Variants in CACNB2 observed in about 807,000 individuals in gnomAD.
The protein encoded by CACNB2 is voltage-dependent L-type calcium channel subunit beta-2.
CACNB2 carries 42 observed loss-of-function variants against 73.3 expected under a neutral mutation model. The ratio of observed to expected loss-of-function variants is 0.57; its 90% confidence interval spans 0.45 to 0.74. The LOEUF (loss-of-function observed/expected upper bound fraction) is 0.74, where lower values mean the gene tolerates loss of function less well. CACNB2 is among the 30% of genes least tolerant of loss of function. The pLI, the probability that CACNB2 is intolerant of heterozygous loss-of-function variation, is 0.00. For synonymous variants in CACNB2, 348 were observed against 310.3 expected (o/e 1.12, Z -1.28); for missense variants, 940 against 853.0 (o/e 1.10, Z -1.27).
intron 2 of CACNB2, among the ~76,000 whole-genome samples, chr10:18,385,480 A>G (rs1441050857): frequency 6.7e-6 from 1 of 149,028 alleles, no homozygotes; most frequent in Non-Finnish European, 1.5e-5. Context: ...TCAAAAAATT[A>G]GCTGGGCGTG....
chr10:18,371,209 GT>G (rs78205139), intron 2 of CACNB2, among the ~76,000 whole-genome samples: 1 of 151,256 alleles, frequency 6.6e-6, no homozygotes. Flanking sequence ...TTTTTATTTT[GT>G]TTTTTTTAAT....
intron 3 of CACNB2, among the ~76,000 whole-genome samples, chr10:18,442,953 T>TACACAC (rs1564553504): frequency 2.1e-4 from 4 of 19,210 alleles, no homozygotes; most frequent in South Asian, 2.0e-3. Context: ...TGTATATATA[T>TACACAC]ATATGTATAT....
chr10:18,406,393 C>T (rs2044289518), intron 3 of CACNB2, among the ~76,000 whole-genome samples: 3 of 152,174 alleles, frequency 2.0e-5, no homozygotes, highest in African/African-American at 7.2e-5. Flanking sequence ...CAGCAGCAGC[C>T]AGACAGGAAG....
chr10:18,514,287 C>T lies in CACNB2; in HGVS notation c.722C>T (p.Ala241Val). 2 of 1,614,054 alleles carry T rather than the reference C, an allele frequency of 1.2e-6. No individual in the cohort carries two copies. Among genetic ancestry groups the T allele is most frequent in the South Asian group, 1.1e-5 (1 of 91,076 alleles). ...GATGCAGAAGAAAATGATATTCCAG[C>T]AAACCACCGCTCCCCTAAACCCAGT... ...GLDAEENDIP[A>V]NHRSPKPSAN... The change falls in exon 7 of 14, where the codon GCA becomes GTA. Residue 241 changes from alanine (A) to valine (V), a missense_variant. Transcript: ENST00000324631.
intron 2 of CACNB2, among the ~76,000 whole-genome samples, chr10:18,389,507 G>A (rs2043373066): frequency 6.6e-6 from 1 of 152,008 alleles, no homozygotes; most frequent in African/African-American, 2.4e-5. Context: ...TTTTGTTGTT[G>A]TTTTCTGGTT....
chr10:18,141,734 C>T (rs1402383834), intron 1 of CACNB2, among the ~76,000 whole-genome samples: 2 of 152,218 alleles, frequency 1.3e-5, no homozygotes, highest in East Asian at 1.9e-4. Context: ...CAGGTCTCAG[C>T]GATGAGGAGT....
chr10:18,492,632 A>G (rs2049514241), intron 3 of CACNB2, among the ~76,000 whole-genome samples: 1 of 136,452 alleles, frequency 7.3e-6, no homozygotes, highest in African/African-American at 3.5e-5. Context: ...AAAAAAAAAA[A>G]AAAAAAGAAA....
intron 2 of CACNB2, among the ~76,000 whole-genome samples, chr10:18,386,897 GTGA>G (rs2043258821): frequency 6.6e-6 from 1 of 152,170 alleles, no homozygotes; most frequent in East Asian, 1.9e-4. Flanking sequence ...GGATGTAAAT[GTGA>G]TGATGATGAT....
chr10:18,338,981 C>G (rs1222789484), intron 2 of CACNB2, among the ~76,000 whole-genome samples: 1 of 151,890 alleles, frequency 6.6e-6, no homozygotes, highest in Non-Finnish European at 1.5e-5. Flanking sequence ...CTCAAATGAT[C>G]CTCCCACCTC....
chr10:18,320,507 A>G (rs1004789718), intron 2 of CACNB2, among the ~76,000 whole-genome samples: 1 of 152,230 alleles, frequency 6.6e-6, no homozygotes, highest in East Asian at 1.9e-4. Context: ...GAAAAAAGAC[A>G]CGATTATTAG....
intron 2 of CACNB2, among the ~76,000 whole-genome samples, chr10:18,296,747 C>T (rs2039295742): frequency 1.3e-5 from 2 of 152,308 alleles, no homozygotes; most frequent in South Asian, 4.1e-4. Context: ...CCCATTTACC[C>T]TTCTTTCCTC....
chr10:18,505,383 T>G (rs1564628132), intron 5 of CACNB2, among the ~76,000 whole-genome samples: 1 of 152,202 alleles, frequency 6.6e-6, no homozygotes, highest in Non-Finnish European at 1.5e-5. Flanking sequence ...TAAATGTATT[T>G]GAGTATCTCT....
chr10:18,496,844 G>GA (rs1057212423), intron 3 of CACNB2, among the ~76,000 whole-genome samples: 2 of 131,924 alleles, frequency 1.5e-5, no homozygotes, highest in African/African-American at 2.9e-5. Context: ...AGGAAAAAAA[G>GA]AAAAAAAAAG....
At chr10:18,416,596 G>A (rs2044979871) in intron 3 of CACNB2, among the ~76,000 whole-genome samples, 1 of 152,114 alleles carries the variant, frequency 6.6e-6, no homozygotes. Context: ...TTTTTTAGTA[G>A]AGACAGGGTT....
intron 2 of CACNB2, among the ~76,000 whole-genome samples, chr10:18,382,159 A>G (rs902608759): frequency 1.3e-5 from 2 of 152,048 alleles, no homozygotes; most frequent in African/African-American, 4.8e-5. Flanking sequence ...ATATAGCAAA[A>G]TTACAGCAAC....
intron 2 of CACNB2, among the ~76,000 whole-genome samples, chr10:18,188,847 G>A (rs2034269661): frequency 1.3e-5 from 2 of 152,148 alleles, no homozygotes; most frequent in African/African-American, 4.8e-5. Context: ...TGTTAAGACT[G>A]GGGACTAGTT....
At chr10:18,393,618 G>A (rs1302573780) in intron 2 of CACNB2, among the ~76,000 whole-genome samples, 1 of 152,208 alleles carries the variant, frequency 6.6e-6, no homozygotes, top group Non-Finnish European at 1.5e-5. Context: ...TGCACTGAAA[G>A]AAGACACTTG....
chr10:18,304,461 A>G (rs889502161), intron 2 of CACNB2, among the ~76,000 whole-genome samples: 7 of 152,270 alleles, frequency 4.6e-5, no homozygotes, highest in African/African-American at 1.7e-4. Flanking sequence ...CATTGAAAAC[A>G]TTGTTTGTTT....
intron 2 of CACNB2, among the ~76,000 whole-genome samples, chr10:18,383,612 G>A (rs2043105233): frequency 6.6e-6 from 1 of 152,092 alleles, no homozygotes; most frequent in Non-Finnish European, 1.5e-5. Flanking sequence ...AGCAGCGAGG[G>A]GTAAACCATA....
Sources: allele counts gnomAD v4.1 joint callset (sites outside exome capture counted in the v4.1 genomes callset), GRCh38; gene constraint gnomAD v4.1.1; transcripts MANE v1.5; gene names NCBI Gene and HGNC (gene_info 2026-07-23, HGNC 2026-07-21).